Variants in HDLBP observed in about 807,000 individuals in gnomAD.
The protein encoded by HDLBP is high density lipoprotein binding protein, also known as vigilin.
In HDLBP, 30 loss-of-function variants were observed where a neutral mutation model predicts 137.3. That is an observed-to-expected ratio of 0.22 (90% CI 0.16 to 0.30). HDLBP has a LOEUF of 0.30. Among genes scored for constraint, HDLBP ranks in the 10% least tolerant of loss-of-function variants. The pLI is 1.00. For synonymous variants in HDLBP, 606 were observed against 596.0 expected (o/e 1.02, Z -0.24); for missense variants, 1,119 against 1,667.3 (o/e 0.67, Z 5.73).
chr2:241,292,550 C>T (rs1163710454), intron 1 of HDLBP, among the ~76,000 whole-genome samples: 1 of 151,952 alleles, frequency 6.6e-6, no homozygotes, highest in Non-Finnish European at 1.5e-5. Context: ...TATTAATGAG[C>T]GTGGTTGGTG....
chr2:241,305,968 G>T (rs984425993), intron 1 of HDLBP, among the ~76,000 whole-genome samples: 1 of 151,940 alleles, frequency 6.6e-6, no homozygotes, highest in African/African-American at 2.4e-5. Context: ...CACCGTGTTA[G>T]CCAGGATGGT....
Position 241,256,610 on chromosome 2 carries a change from G to A in HDLBP, c.647C>T (p.Ser216Phe). The A allele has an allele frequency of 6.2e-7, 1 of 1,613,962 alleles. No individual in the cohort carries two copies. Among genetic ancestry groups the A allele is most frequent in the Non-Finnish European group, 8.5e-7 (1 of 1,180,012 alleles). ...TCACACAGGCCTCACCTGCTCGGCAGAGATGAGTAAGACTTCATGGCGAGC... is the reference window on the plus strand; with the variant it reads ...TCACACAGGCCTCACCTGCTCGGCAAAGATGAGTAAGACTTCATGGCGAGC... Reference protein sequence around the residue: ...EKARHEVLLISAEQDKRAVER... With the variant: ...EKARHEVLLIFAEQDKRAVER... Residue 216 changes from serine to phenylalanine, a missense_variant, in exon 6 of 28, where the codon TCT (serine) becomes TTT (phenylalanine). Physicochemically the swap from Ser to Phe is radical, Grantham distance 155. Around this residue, in one of 4 missense-constraint regions of HDLBP, gnomAD observed 425 missense variants for 693.9 expected, o/e 0.61. Transcript: ENST00000310931.
intron 24 of HDLBP, among the ~76,000 whole-genome samples, chr2:241,232,333 T>C (rs1051985150): frequency 6.6e-6 from 1 of 151,306 alleles, no homozygotes; most frequent in African/African-American, 2.4e-5. Context: ...TGGAGTGCAA[T>C]GGCATGATCT....
intron 1 of HDLBP, among the ~76,000 whole-genome samples, chr2:241,313,356 T>C (rs1226415980): frequency 1.3e-5 from 2 of 152,182 alleles, no homozygotes; most frequent in African/African-American, 4.8e-5. Context: ...CTCGGCTCAC[T>C]GCAACCTCCG....
Position 241,248,260 on chromosome 2 carries a change from C to G in HDLBP, c.1601G>C (p.Arg534Pro). ...AAACTTTACCTCTGGGAATTTGTCA[C>G]GAATTTCACGGATCCGTTCACCCTT... ...GQKGERIREI[R>P]DKFPEVIINF... Residue 534 changes from arginine (R) to proline (P), a missense_variant, in exon 13 of 28, where the codon CGT becomes CCT. By Grantham distance (103) the Arg-to-Pro change is moderately radical. Around this residue, in one of 4 missense-constraint regions of HDLBP, gnomAD observed 425 missense variants for 693.9 expected, o/e 0.61. Coordinates refer to ENST00000310931, the MANE Select transcript of HDLBP (RefSeq NM_005336.6). The G allele has an allele frequency of 1.2e-6, 2 of 1,613,664 alleles. No homozygotes were observed. The highest frequency in any genetic ancestry group is 1.7e-6 in the Non-Finnish European group (2 of 1,179,562).
intron 1 of HDLBP, among the ~76,000 whole-genome samples, chr2:241,307,078 CG>C (rs1167677935): frequency 2.0e-4 from 2 of 9,892 alleles, no homozygotes; most frequent in East Asian, 2.0e-3. Flanking sequence ...TTTTGGGGGG[CG>C]GGGGGGACAG....
intron 24 of HDLBP, among the ~76,000 whole-genome samples, chr2:241,232,419 G>A (rs569175925): frequency 8.5e-5 from 13 of 152,228 alleles, no homozygotes; most frequent in African/African-American, 3.1e-4. Flanking sequence ...GGGATTACAG[G>A]TGCACGCGAC....
intron 16 of HDLBP, 101 bp from the exon 17 acceptor site, chr2:241,242,779 GC>G (rs1465260497): frequency 9.5e-7 from 1 of 1,050,294 alleles, no homozygotes; most frequent in Non-Finnish European, 1.4e-6. Flanking sequence ...GAACACGCAG[GC>G]CTAGAGCCCT....
Position 241,266,903 on chromosome 2 carries a change from A to T in HDLBP, c.-34T>A. 1 of 1,608,536 alleles carries T rather than the reference A, an allele frequency of 6.2e-7. No homozygotes were observed. Among genetic ancestry groups the T allele is most frequent in the Non-Finnish European group, 8.5e-7 (1 of 1,174,862 alleles). On this transcript the variant is annotated 5_prime_UTR_variant, in exon 3 of 28. Transcript: ENST00000310931. ...TCACACCTACACACAATCCGGGAAA[A>T]CCACTAAAGCAAAGAAGAATAAATC...
At chr2:241,241,769 G>A (rs1391893319) in intron 17 of HDLBP, among the ~76,000 whole-genome samples, 1 of 151,994 alleles carries the variant, frequency 6.6e-6, no homozygotes, top group Non-Finnish European at 1.5e-5. Flanking sequence ...GATCTGTTAA[G>A]TCGAACATAA....
chr2:241,307,387 C>A (rs2075616956), intron 1 of HDLBP, among the ~76,000 whole-genome samples: 1 of 152,230 alleles, frequency 6.6e-6, no homozygotes, highest in Non-Finnish European at 1.5e-5. Flanking sequence ...GGTCATAGCA[C>A]TGGGGTCTCT....
At chr2:241,248,695 G>C (rs1237065284) in intron 12 of HDLBP, among the ~76,000 whole-genome samples, 1 of 152,094 alleles carries the variant, frequency 6.6e-6, no homozygotes, top group African/African-American at 2.4e-5. Context: ...GTTTTAACAG[G>C]TACTACAGGG....
intron 1 of HDLBP, among the ~76,000 whole-genome samples, chr2:241,314,389 CTA>C: frequency 6.6e-6 from 1 of 152,264 alleles, no homozygotes; most frequent in Admixed American, 6.5e-5. Flanking sequence ...GTGACTTAAC[CTA>C]TCTTAATAGG....
chr2:241,231,249 T>A (rs952287048), intron 24 of HDLBP: 10 of 269,040 alleles, frequency 3.7e-5, no homozygotes, highest in Admixed American at 9.6e-5. Context: ...CCGGGCGTGG[T>A]GGTGCACGCC....
At chr2:241,256,144 A>G (rs561019132) in intron 7 of HDLBP, 40 bp downstream of exon 7, 2 of 1,547,752 alleles carry the variant, frequency 1.3e-6, no homozygotes, top group East Asian at 2.2e-5. Context: ...CCTCATTTCT[A>G]TTCCTGCCCA....
intron 16 of HDLBP, among the ~76,000 whole-genome samples, chr2:241,244,468 C>G (rs1421817474): frequency 6.6e-6 from 1 of 152,168 alleles, no homozygotes; most frequent in African/African-American, 2.4e-5. Context: ...TTGTCATGGA[C>G]AGAGGAACAA....
intron 1 of HDLBP, among the ~76,000 whole-genome samples, chr2:241,278,645 G>C (rs545927632): frequency 6.6e-6 from 1 of 151,970 alleles, no homozygotes; most frequent in South Asian, 2.1e-4. Context: ...TAGCAACTAG[G>C]AATATAAGCC....
At chr2:241,287,939 G>A (rs762275128) in intron 1 of HDLBP, among the ~76,000 whole-genome samples, 1 of 152,154 alleles carries the variant, frequency 6.6e-6, no homozygotes, top group South Asian at 2.1e-4. Flanking sequence ...ATGTGAAGAC[G>A]GGAGGGAAGA....
chr2:241,250,120 A>T, intron 11 of HDLBP, 140 bp from the exon 12 acceptor site: 1 of 802,316 alleles, frequency 1.2e-6, no homozygotes, highest in South Asian at 1.9e-5. Context: ...TAGCTTCCCA[A>T]ACAAAAATCT....
Sources: allele counts gnomAD v4.1 joint callset (sites outside exome capture counted in the v4.1 genomes callset), GRCh38; gene constraint gnomAD v4.1.1; regional missense constraint gnomAD v4.1.1; transcripts MANE v1.5; gene names NCBI Gene and HGNC (gene_info 2026-07-23, HGNC 2026-07-21).